RFX6: variants seen among roughly 807,000 people sequenced by gnomAD.
RFX6 encodes the protein regulatory factor X6.
RFX6 carries 50 observed loss-of-function variants against 110.8 expected under a neutral mutation model. The observed-to-expected ratio is 0.45, with a 90% confidence interval of 0.36 to 0.57. The LOEUF is 0.57. Ranked by LOEUF, RFX6 falls within the 20% of genes least tolerant of loss-of-function variation. The probability of loss-of-function intolerance (pLI) is 0.00; values close to 1 mark genes in which losing one functional copy is unlikely to be tolerated. For synonymous variants in RFX6, 383 were observed against 411.2 expected, an observed-to-expected ratio of 0.93 and a Z score of 0.83; for missense variants, 990 against 1,127.0, an observed-to-expected ratio of 0.88 and a Z score of 1.74.
intron 6 of RFX6, among the ~76,000 whole-genome samples, chr6:116,910,597 A>G (rs563105151): frequency 1.3e-5 from 2 of 152,336 alleles, no homozygotes; most frequent in African/African-American, 2.4e-5. Flanking sequence ...AAATAATTTC[A>G]GTAGTTTCAA....
At chr6:116,902,826 G>T (rs968302807) in intron 6 of RFX6, among the ~76,000 whole-genome samples, 1 of 152,026 alleles carries the variant, frequency 6.6e-6, no homozygotes, top group Non-Finnish European at 1.5e-5. Context: ...TCAAATATTT[G>T]TAGACTGTTA....
At chr6:116,908,092 G>A (rs9400969) in intron 6 of RFX6, among the ~76,000 whole-genome samples, 54,678 of 151,832 alleles carry the variant, frequency 0.36, 10,783 homozygotes, top group East Asian at 0.51. Context: ...TCCAATTGGA[G>A]AGATTGATTC....
chr6:116,911,671 G>C (rs113949690), intron 7 of RFX6, among the ~76,000 whole-genome samples: 2 of 152,170 alleles, frequency 1.3e-5, no homozygotes, highest in Non-Finnish European at 2.9e-5. Context: ...TCGGGGATCT[G>C]TTGGCTGTTT....
intron 6 of RFX6, among the ~76,000 whole-genome samples, chr6:116,901,189 G>A (rs1775066568): frequency 6.6e-6 from 1 of 152,040 alleles, no homozygotes; most frequent in South Asian, 2.1e-4. Flanking sequence ...CAGTAAGTTG[G>A]GTATATTAAA....
In RFX6 at chr6:116,908,687, C is replaced by G. The variant is rs777321047; in HGVS notation, c.673-2248C>G. On this transcript the variant is annotated intron_variant, in intron 6 of 18. Transcript: ENST00000332958. The stretch of plus-strand genomic sequence containing the variant: ...TCTAGCATACACACACACACACACA[C>G]AGACACACACACACACACACACACA... 5.1e-3 allele frequency among the ~76,000 whole-genome samples: 343 copies of G among 67,130 alleles called. 2 individuals are homozygous for G. Among genetic ancestry groups the G allele is most frequent in the South Asian group, 0.025 (66 of 2,612 alleles). 44.0% of individuals were successfully genotyped at this position (67,130 alleles called of 152,430 possible).
chr6:116,923,604 TAAAC>T (rs1385072669), intron 14 of RFX6: 1 of 211,608 alleles, frequency 4.7e-6, no homozygotes, highest in Non-Finnish European at 9.6e-6. Context: ...TTTTCTTTGT[TAAAC>T]AAATGATAAT....
At chr6:116,890,154 A>G (rs1053169656) in intron 4 of RFX6, among the ~76,000 whole-genome samples, 2 of 152,086 alleles carry the variant, frequency 1.3e-5, no homozygotes, top group African/African-American at 4.8e-5. Flanking sequence ...TTGAGTGTGG[A>G]GGCAATATGG....
At chr6:116,892,085 C>A (rs997782770) in intron 4 of RFX6, among the ~76,000 whole-genome samples, 1 of 152,178 alleles carries the variant, frequency 6.6e-6, no homozygotes, top group Admixed American at 6.5e-5. Context: ...TTACCTTGAC[C>A]ACCATATATT....
chr6:116,890,455 A>G (rs1195179022), intron 4 of RFX6, among the ~76,000 whole-genome samples: 1 of 152,148 alleles, frequency 6.6e-6, no homozygotes, highest in Non-Finnish European at 1.5e-5. Context: ...TAACTCCTCC[A>G]GAGACTCTCC....
At chr6:116,916,920 A>G (rs2114693979) in intron 9 of RFX6, among the ~76,000 whole-genome samples, 1 of 152,270 alleles carries the variant, frequency 6.6e-6, no homozygotes, top group East Asian at 1.9e-4. Context: ...CTGATGGATA[A>G]AACTATATTG....
chr6:116,925,025 T>C (rs540838751), intron 15 of RFX6, among the ~76,000 whole-genome samples: 1 of 152,336 alleles, frequency 6.6e-6, no homozygotes, highest in Admixed American at 6.5e-5. Flanking sequence ...AAATTGGTGA[T>C]CTTAATTTCT....
At chr6:116,901,398 A>G (rs1020260581) in intron 6 of RFX6, among the ~76,000 whole-genome samples, 2 of 152,190 alleles carry the variant, frequency 1.3e-5, no homozygotes, top group Non-Finnish European at 2.9e-5. Flanking sequence ...TCAAGTGCTT[A>G]CTGTATTGGA....
intron 7 of RFX6, among the ~76,000 whole-genome samples, chr6:116,914,881 A>G (rs1775430012): frequency 6.6e-6 from 1 of 152,220 alleles, no homozygotes; most frequent in Admixed American, 6.5e-5. Flanking sequence ...ACCCTATTTT[A>G]TAGCTACTGT....
At chr6:116,912,686 A>AT (rs1775378448) in intron 7 of RFX6, among the ~76,000 whole-genome samples, 1 of 152,104 alleles carries the variant, frequency 6.6e-6, no homozygotes, top group Admixed American at 6.5e-5. Flanking sequence ...TATGGTGTAA[A>AT]TATACCTGGT....
chr6:116,902,389 CA>C (rs1315733678), intron 6 of RFX6, among the ~76,000 whole-genome samples: 1 of 151,590 alleles, frequency 6.6e-6, no homozygotes, highest in African/African-American at 2.4e-5. Context: ...ACAACAAAAA[CA>C]AAATAAAAAA....
At chr6:116,920,921 T>C (rs1016920017) in intron 12 of RFX6, among the ~76,000 whole-genome samples, 3 of 152,186 alleles carry the variant, frequency 2.0e-5, no homozygotes, top group African/African-American at 7.2e-5. Flanking sequence ...TACATGTGTT[T>C]TATAGTCTTG....
At position 116,927,743 on chromosome 6, in the gene RFX6, C is replaced by CT. The variant is rs60638457; in HGVS notation, c.2398+223dup. Among the ~76,000 whole-genome samples the CT allele has an allele frequency of 0.024, 2,918 of 119,478 alleles. 135 individuals are homozygous for CT. The highest frequency in any genetic ancestry group is 0.081 in the African/African-American group (2,499 of 31,014). 78.4% of individuals were successfully genotyped at this position (119,478 alleles called of 152,430 possible). A position where few individuals can be genotyped will look rare whatever the true frequency, so the allele number is the denominator to read the frequency against. On this transcript the variant is annotated intron_variant, in intron 17 of 18. Transcript: ENST00000332958. ...GGCTTTCCTAAAGTTGCCCTTCTTC[C>CT]TTTTTTTTTTTTTTTTTTTGAGACA... is the stretch of plus-strand genomic sequence containing the variant.
chr6:116,922,146 AT>A lies in RFX6; in HGVS notation c.1434del (p.Lys479ArgfsTer10). On this transcript the variant is annotated frameshift_variant, in exon 13 of 19. Transcript: ENST00000332958. LOFTEE classifies it high-confidence loss of function. ...WLDTVVEQRV[I>X]KTSKQNGRSL... ...GGATACTGTGGTAGAACAGAGAGTT[AT>A]TAAGGTACTTTTTAATGACAGATTC... 1 of 1,322,038 alleles carries A rather than the reference AT, an allele frequency of 7.6e-7. No individual in the cohort carries two copies. Among genetic ancestry groups the A allele is most frequent in the Non-Finnish European group, 1.1e-6 (1 of 914,812 alleles). 81.9% of individuals were successfully genotyped at this position (1,322,038 alleles called of 1,614,324 possible).
rs564143379 is a variant in RFX6 at position 116,881,881 on chromosome 6, T to C, written c.505-486T>C. 2.0e-5 allele frequency among the ~76,000 whole-genome samples: 3 copies of C among 152,224 alleles called. No homozygotes were observed. The South Asian group carries it at 6.2e-4, about 32-fold the overall frequency. On this transcript the variant is annotated intron_variant, in intron 3 of 18. Transcript: ENST00000332958. ...TATGTAGAAGACTTTTTAAAAAATG[T>C]TTAATCAGATCCTAATTTTAGCAAC...
Sources: gnomAD v4.1 joint callset for allele counts (sites outside exome capture counted in the v4.1 genomes callset) on GRCh38, gnomAD v4.1.1 for gene constraint, MANE v1.5 for transcripts, NCBI Gene and HGNC (gene_info 2026-07-23, HGNC 2026-07-21) for gene names.